KCNIP4: variants seen among roughly 807,000 people sequenced by gnomAD.
KCNIP4 encodes the protein Kv channel-interacting protein 4.
KCNIP4 carries 12 observed loss-of-function variants against 34.0 expected under a neutral mutation model. The observed-to-expected ratio is 0.35, with a 90% CI of 0.23 to 0.57. KCNIP4 has a LOEUF of 0.57. Ranked by LOEUF, KCNIP4 falls within the 20% of genes least tolerant of loss-of-function variation. The pLI is 0.83. For synonymous variants in KCNIP4, 124 were observed against 102.2 expected, an observed-to-expected ratio of 1.21 and a Z score of -1.29; for missense variants, 238 against 311.7, an observed-to-expected ratio of 0.76 and a Z score of 1.78.
In KCNIP4 at chr4:20,731,556, A is replaced by G. The variant is rs191674075; in HGVS notation, c.705+450T>C. 1.2e-3 allele frequency: 1,156 copies of G among 985,420 alleles called. 24 individuals carry two copies. In the South Asian group the frequency reaches 0.038, roughly 32 times the overall value. The allele number at this position is 985,420 out of a possible 1,614,324, so 61.0% of individuals were successfully genotyped here. On this transcript the variant is annotated intron_variant, in intron 8 of 8. Transcript: ENST00000382152. ...AGTCAAAGAGCCATTTCTTGTCCAC[A>G]TACACTAAAACAATGACTTTTCTCT...
At chr4:21,548,659 C>CA (rs34679666) in intron 1 of KCNIP4, among the ~76,000 whole-genome samples, 28,513 of 147,290 alleles carry the variant, frequency 0.19, 2,720 homozygotes, top group Non-Finnish European at 0.2. Flanking sequence ...TTCTCATATA[C>CA]AAAAAAAAAA....
At chr4:21,396,383 C>G (rs377548357) in intron 1 of KCNIP4, among the ~76,000 whole-genome samples, 2 of 151,514 alleles carry the variant, frequency 1.3e-5, no homozygotes, top group African/African-American at 2.4e-5. Context: ...TGGTGAAACT[C>G]TGTCTCTACT....
intron 1 of KCNIP4, among the ~76,000 whole-genome samples, chr4:21,419,941 T>C (rs759187577): frequency 1.1e-4 from 17 of 152,180 alleles, no homozygotes; most frequent in Non-Finnish European, 1.6e-4. Flanking sequence ...ATTCTGAATT[T>C]GCACAGGGGT....
chr4:20,932,436 A>G (rs1186899401), intron 1 of KCNIP4, among the ~76,000 whole-genome samples: 2 of 144,314 alleles, frequency 1.4e-5, no homozygotes, highest in Non-Finnish European at 3.0e-5. Context: ...TGTAGACTAT[A>G]ATAGTCTATA....
chr4:21,811,316 C>T (rs1721637710), intron 1 of KCNIP4, among the ~76,000 whole-genome samples: 1 of 152,160 alleles, frequency 6.6e-6, no homozygotes, highest in South Asian at 2.1e-4. Flanking sequence ...CTCTCATCCA[C>T]TATTTGCCAT....
intron 1 of KCNIP4, among the ~76,000 whole-genome samples, chr4:21,534,536 AATC>A (rs1031181181): frequency 3.9e-5 from 6 of 152,232 alleles, no homozygotes; most frequent in African/African-American, 1.4e-4. Flanking sequence ...TTGAAAACCA[AATC>A]ATCTGATAAG....
intron 1 of KCNIP4, among the ~76,000 whole-genome samples, chr4:21,634,051 T>C (rs1410557019): frequency 6.6e-6 from 1 of 151,900 alleles, no homozygotes; most frequent in Non-Finnish European, 1.5e-5. Flanking sequence ...CATCTCAGTG[T>C]TACTACAAAA....
intron 1 of KCNIP4, among the ~76,000 whole-genome samples, chr4:21,474,541 C>T (rs1730752830): frequency 6.6e-6 from 1 of 152,116 alleles, no homozygotes; most frequent in South Asian, 2.1e-4. Context: ...CTCCCTTCCA[C>T]AGTGGCTAAG....
rs145699585 is a variant in KCNIP4, at chr4:21,830,237, A to G, written c.61+118334T>C. On this transcript the variant is annotated intron_variant, in intron 1 of 8. Transcript: ENST00000382152. ...AGACTTTAAGTCGAAAACTGTAAAA[A>G]GAAGAAAAGGTTATTCTAGTATAAA... Among the ~76,000 whole-genome samples, 1,285 of 152,328 alleles carry G rather than the reference A, an allele frequency of 8.4e-3. 14 individuals carry two copies. The highest frequency in any genetic ancestry group is 0.028 in the South Asian group (137 of 4,830).
At chr4:21,824,029 G>C (rs944074158) in intron 1 of KCNIP4, among the ~76,000 whole-genome samples, 8 of 152,244 alleles carry the variant, frequency 5.3e-5, no homozygotes, top group Admixed American at 2.6e-4. Context: ...AATGGGGCTT[G>C]CTGCTTTTCA....
intron 1 of KCNIP4, among the ~76,000 whole-genome samples, chr4:21,111,739 G>A (rs540597949): frequency 6.6e-6 from 1 of 152,294 alleles, no homozygotes; most frequent in African/African-American, 2.4e-5. Context: ...TCAGAGTGCT[G>A]CCGACCAGAA....
intron 3 of KCNIP4, among the ~76,000 whole-genome samples, chr4:20,842,692 G>A (rs578092915): frequency 6.6e-6 from 1 of 151,560 alleles, no homozygotes; most frequent in Non-Finnish European, 1.5e-5. Flanking sequence ...AGTGGAGAAT[G>A]GTTCAGAGGA....
At chr4:20,842,465 A>G (rs10027311) in intron 3 of KCNIP4, among the ~76,000 whole-genome samples, 56,154 of 151,570 alleles carry the variant, frequency 0.37, 10,832 homozygotes, top group Non-Finnish European at 0.43. Flanking sequence ...CTGATCGTGA[A>G]CTAGTTGGGT....
chr4:20,739,243 A>G (rs1351650678), intron 5 of KCNIP4, among the ~76,000 whole-genome samples: 1 of 152,220 alleles, frequency 6.6e-6, no homozygotes, highest in Non-Finnish European at 1.5e-5. Context: ...TAGTTCTCCC[A>G]GCATGGAGTT....
intron 1 of KCNIP4, among the ~76,000 whole-genome samples, chr4:21,554,628 T>G (rs1036318566): frequency 3.9e-5 from 6 of 152,122 alleles, no homozygotes; most frequent in Non-Finnish European, 8.8e-5. Context: ...AACAATTCCT[T>G]CTGCCTGCAT....
intron 1 of KCNIP4, among the ~76,000 whole-genome samples, chr4:20,939,665 C>A (rs966260032): frequency 6.6e-6 from 1 of 152,156 alleles, no homozygotes; most frequent in African/African-American, 2.4e-5. Flanking sequence ...AGCCACCACG[C>A]CTGGCCTCAG....
intron 1 of KCNIP4, among the ~76,000 whole-genome samples, chr4:21,486,916 G>A (rs985646659): frequency 6.6e-6 from 1 of 151,524 alleles, no homozygotes; most frequent in African/African-American, 2.4e-5. Flanking sequence ...GTGATCCTCG[G>A]TCTCCTGAGT....
intron 1 of KCNIP4, among the ~76,000 whole-genome samples, chr4:21,492,143 T>C (rs947631916): frequency 2.0e-5 from 3 of 152,158 alleles, no homozygotes; most frequent in African/African-American, 7.2e-5. Flanking sequence ...ATTGTAAATA[T>C]CAGTAAATAA....
chr4:21,165,449 CAAAAAAAAA>C (rs1161082468), intron 1 of KCNIP4, among the ~76,000 whole-genome samples: 1 of 618 alleles, frequency 1.6e-3, no homozygotes, highest in Non-Finnish European at 2.5e-3. Flanking sequence ...TTGAAAGCAT[CAAAAAAAAA>C]AAAAAAAAAA....
Sources: gnomAD v4.1 joint callset for allele counts (sites outside exome capture counted in the v4.1 genomes callset) on GRCh38, gnomAD v4.1.1 for gene constraint, MANE v1.5 for transcripts, NCBI Gene and HGNC (gene_info 2026-07-23, HGNC 2026-07-21) for gene names.